Variants in CREB3L1 observed in about 807,000 individuals in gnomAD.
The protein encoded by CREB3L1 is cyclic AMP-responsive element-binding protein 3-like protein 1.
Under a neutral mutation model 54.5 loss-of-function variants are expected in CREB3L1, and 33 were observed. The ratio of observed to expected loss-of-function variants is 0.61; its 90% CI spans 0.46 to 0.81. The LOEUF is 0.81. Among genes scored for constraint, CREB3L1 ranks in the 30% least tolerant of loss-of-function variants. The probability of loss-of-function intolerance (pLI) is 0.00; values close to 1 mark genes in which losing one functional copy is unlikely to be tolerated. For synonymous variants in CREB3L1, 284 were observed against 286.4 expected, an observed-to-expected ratio of 0.99 and a Z score of 0.08; for missense variants, 656 against 673.3, an observed-to-expected ratio of 0.97 and a Z score of 0.29.
intron 2 of CREB3L1, among the ~76,000 whole-genome samples, chr11:46,303,668 T>C (rs1939334319): frequency 6.6e-6 from 1 of 151,762 alleles, no homozygotes; most frequent in Non-Finnish European, 1.5e-5. Flanking sequence ...ATAATAATAA[T>C]TAGTGACTAT....
At chr11:46,291,488 T>A (rs940602964) in intron 1 of CREB3L1, among the ~76,000 whole-genome samples, 2 of 152,190 alleles carry the variant, frequency 1.3e-5, no homozygotes, top group African/African-American at 4.8e-5. Context: ...GAACCAGGAT[T>A]AGAACCAGGT....
rs557765149 is a variant in CREB3L1 at position 46,295,639 on chromosome 11, C to T, written c.103-4296C>T. ...CACTCCTCCGGTGCCCTCCACGCCG[C>T]CACCGGCTGCTGCTCGCAGCCTCCC... On this transcript the variant is annotated intron_variant, in intron 1 of 11. Transcript: ENST00000621158. The surrounding 1 kb of genome is among the most constrained non-coding windows in gnomAD (Gnocchi z 4.6). Among the ~76,000 whole-genome samples, 2 of 152,360 alleles carry T rather than the reference C, an allele frequency of 1.3e-5. No homozygotes were observed. Among genetic ancestry groups the T allele is most frequent in the South Asian group, 2.1e-4 (1 of 4,828 alleles).
rs549742982 is a variant in CREB3L1 at position 46,308,407 on chromosome 11, T to C, written c.516+407T>C. Among the ~76,000 whole-genome samples, 27 of 152,308 alleles carry C rather than the reference T, an allele frequency of 1.8e-4. No individual in the cohort carries two copies. In the South Asian group the frequency reaches 4.4e-3, roughly 25 times the overall value. On this transcript the variant is annotated intron_variant, in intron 3 of 11. Transcript: ENST00000621158. Reference sequence around the variant, plus strand: ...AATTACAAAAAAAAGTGTGCTATATTCCAATTGTTTACATTTATGAGATTA... The same window carrying C: ...AATTACAAAAAAAAGTGTGCTATATCCCAATTGTTTACATTTATGAGATTA...
intron 1 of CREB3L1, among the ~76,000 whole-genome samples, chr11:46,281,436 G>T (rs1472995002): frequency 1.3e-5 from 2 of 152,240 alleles, no homozygotes; most frequent in Non-Finnish European, 2.9e-5. Flanking sequence ...GAACTGGCTT[G>T]GGATCCCAGA....
chr11:46,282,342 A>C (rs528344483), intron 1 of CREB3L1, among the ~76,000 whole-genome samples: 1 of 152,268 alleles, frequency 6.6e-6, no homozygotes, highest in East Asian at 1.9e-4. Flanking sequence ...CCTACTGCAC[A>C]GGCCTCTGCA....
At chr11:46,316,139 C>T in intron 8 of CREB3L1, 147 bp from the exon 9 acceptor site, 1 of 598,374 alleles carries the variant, frequency 1.7e-6, no homozygotes, top group Non-Finnish European at 3.0e-6. Context: ...TGCAGAGGAG[C>T]CACGCAGGAG....
At chr11:46,316,968 G>T (rs111651038) in intron 9 of CREB3L1, among the ~76,000 whole-genome samples, 1 of 152,016 alleles carries the variant, frequency 6.6e-6, no homozygotes, top group African/African-American at 2.4e-5. Flanking sequence ...AGCACCTCCC[G>T]CTAGCCAGGC....
chr11:46,295,576 GTCGGCGCAGGCCGGGACCC>G lies in CREB3L1; in HGVS notation c.103-4356_103-4338del, dbSNP rs1486238311. ...CCCTGCGCTCCCTCAGCCGCGGGCCGTCGGCGCAGGCCGGGACCCTCCTCCGCGCGAGCCCTGCACTCCT... is the reference window on the plus strand; with the variant it reads ...CCCTGCGCTCCCTCAGCCGCGGGCCGTCCTCCGCGCGAGCCCTGCACTCCT... On this transcript the variant is annotated intron_variant, in intron 1 of 11. Transcript: ENST00000621158. This position sits in a 1 kb window ranked among gnomAD's most constrained non-coding sequence, Gnocchi z 4.6. 6.6e-6 allele frequency among the ~76,000 whole-genome samples: 1 copy of G among 152,178 alleles called. No homozygotes were observed. Among genetic ancestry groups the G allele is most frequent in the East Asian group, 1.9e-4 (1 of 5,178 alleles).
chr11:46,287,985 A>T (rs1006871567), intron 1 of CREB3L1, among the ~76,000 whole-genome samples: 2 of 152,104 alleles, frequency 1.3e-5, no homozygotes, highest in African/African-American at 4.8e-5. Flanking sequence ...CAAAAAAAAA[A>T]AATCACGTCA....
At chr11:46,283,984 G>T (rs1192512451) in intron 1 of CREB3L1, among the ~76,000 whole-genome samples, 1 of 152,132 alleles carries the variant, frequency 6.6e-6, no homozygotes, top group African/African-American at 2.4e-5. Context: ...GGGATGCTGG[G>T]TCCCACAGAA....
chr11:46,313,040 C>G (rs1590350976), intron 8 of CREB3L1, 121 bp downstream of exon 8: 1 of 718,370 alleles, frequency 1.4e-6, no homozygotes, highest in African/African-American at 1.8e-5. Context: ...GACAGGGACC[C>G]CAGAAACACA....
chr11:46,294,949 A>C (rs1939183892), intron 1 of CREB3L1, among the ~76,000 whole-genome samples: 1 of 151,892 alleles, frequency 6.6e-6, no homozygotes, highest in Admixed American at 6.6e-5. Flanking sequence ...ACTCTCTCGG[A>C]AGGAATGTCC....
chr11:46,298,574 C>A (rs1939246550), intron 1 of CREB3L1, among the ~76,000 whole-genome samples: 1 of 152,070 alleles, frequency 6.6e-6, no homozygotes, highest in Non-Finnish European at 1.5e-5. Context: ...TGGTGCGCAC[C>A]TGTAGTCCCG....
intron 3 of CREB3L1, among the ~76,000 whole-genome samples, chr11:46,308,558 T>C (rs1399521814): frequency 6.6e-6 from 1 of 152,204 alleles, no homozygotes; most frequent in Non-Finnish European, 1.5e-5. Flanking sequence ...CTAGCCGAGG[T>C]CCTGCCTGAG....
intron 2 of CREB3L1, among the ~76,000 whole-genome samples, chr11:46,307,327 C>T (rs932313038): frequency 6.6e-6 from 1 of 152,266 alleles, no homozygotes; most frequent in African/African-American, 2.4e-5. Flanking sequence ...TGGGCTCAAG[C>T]GATCTGCCTG....
Position 46,321,304 on chromosome 11 carries a change from C to T in CREB3L1, c.*558C>T, listed in dbSNP as rs188244964. On this transcript the variant is annotated 3_prime_UTR_variant, in exon 12 of 12. Transcript: ENST00000621158. ...GGACTACCTGACCCTCACCTGGCAC[C>T]CCCCTGCTGCTGCCCAAGCCGCTGG... 10 of 254,452 alleles carry T rather than the reference C, an allele frequency of 3.9e-5. No homozygotes were observed. Among genetic ancestry groups the T allele is most frequent in the Non-Finnish European group, 7.0e-5 (9 of 127,824 alleles). 15.8% of individuals were successfully genotyped at this position (254,452 alleles called of 1,614,324 possible).
Position 46,295,739 on chromosome 11 carries a change from C to T in CREB3L1, c.103-4196C>T, listed in dbSNP as rs551132334. ...CGGTGAGGGGCGGCCCCGGGTGTTC[C>T]CGGGTTAACCCTTTGTGGGCCGCTC... On this transcript the variant is annotated intron_variant, in intron 1 of 11. Coordinates refer to ENST00000621158, the MANE Select transcript of CREB3L1 (RefSeq NM_052854.4). This position sits in a 1 kb window ranked among gnomAD's most constrained non-coding sequence, Gnocchi z 4.6. Among the ~76,000 whole-genome samples the T allele has an allele frequency of 6.6e-6, 1 of 152,248 alleles. No individual in the cohort carries two copies. The highest frequency in any genetic ancestry group is 2.1e-4 in the South Asian group (1 of 4,832).
rs1590334876 is a variant in CREB3L1 at position 46,278,402 on chromosome 11, C to T, written c.102+189C>T. ...CCTGGGGGCTCAATCTTTGAATACA[C>T]TGGCCTCCACCTTCTAGGGGGAAGG... is the stretch of plus-strand genomic sequence containing the variant. On this transcript the variant is annotated intron_variant, in intron 1 of 11. Coordinates refer to ENST00000621158, the MANE Select transcript of CREB3L1 (RefSeq NM_052854.4). This position sits in a 1 kb window ranked among gnomAD's most constrained non-coding sequence, Gnocchi z 4.2. Among the ~76,000 whole-genome samples, 1 of 152,240 alleles carries T rather than the reference C, an allele frequency of 6.6e-6. No individual in the cohort carries two copies. Among genetic ancestry groups the T allele is most frequent in the African/African-American group, 2.4e-5 (1 of 41,476 alleles).
At chr11:46,283,556 A>G (rs1939010333) in intron 1 of CREB3L1, among the ~76,000 whole-genome samples, 1 of 152,140 alleles carries the variant, frequency 6.6e-6, no homozygotes, top group African/African-American at 2.4e-5. Context: ...GACTGGGGCA[A>G]TCCTTGTAAG....
Sources: gnomAD v4.1 joint callset for allele counts (sites outside exome capture counted in the v4.1 genomes callset) on GRCh38, gnomAD v4.1.1 for gene constraint, Gnocchi (gnomAD v3.1) non-coding constraint, MANE v1.5 for transcripts, NCBI Gene and HGNC (gene_info 2026-07-23, HGNC 2026-07-21) for gene names.